The following PLCL1 variants were observed in gnomAD, a reference collection of about 807,000 sequenced individuals.
PLCL1 encodes the protein phospholipase C like 1 (inactive).
A neutral mutation model predicts 84.4 loss-of-function variants in PLCL1; 41 were observed. The observed-to-expected ratio is 0.49, with a 90% CI of 0.38 to 0.63. The LOEUF (loss-of-function observed/expected upper bound fraction) is 0.63. PLCL1 is among the 30% of genes least tolerant of loss of function. The pLI is 0.00. For missense variants in PLCL1, 1,206 were observed against 1,367.8 expected (o/e 0.88, Z 1.87); for synonymous variants, 490 against 488.3 (o/e 1.00, Z -0.05).
intron 1 of PLCL1, among the ~76,000 whole-genome samples, chr2:197,897,458 A>G (rs1688175782): frequency 6.6e-6 from 1 of 152,070 alleles, no homozygotes. Flanking sequence ...CTACCAACTA[A>G]TAGCCATAGT....
At chr2:198,043,630 T>C (rs1312087920) in intron 1 of PLCL1, among the ~76,000 whole-genome samples, 1 of 152,064 alleles carries the variant, frequency 6.6e-6, no homozygotes, top group Non-Finnish European at 1.5e-5. Flanking sequence ...TAGGGAGTTG[T>C]GAAGGTGAGA....
At position 197,805,837 on chromosome 2, in the gene PLCL1, T is replaced by C. The variant is rs1055989521; in HGVS notation, c.240+498T>C. On this transcript the variant is annotated intron_variant, in intron 1 of 5. Coordinates refer to ENST00000428675, the MANE Select transcript of PLCL1 (RefSeq NM_006226.4). This position sits in a 1 kb window ranked among gnomAD's most constrained non-coding sequence, Gnocchi z 4.0. ...CCCGGTAGGGAGGCAGAGTTTTAAG[T>C]GGACCCTGCATCACAGTAAAGAGCA... Among the ~76,000 whole-genome samples the C allele has an allele frequency of 1.1e-4, 16 of 152,326 alleles. No homozygotes were observed. The highest frequency in any genetic ancestry group is 2.6e-4 in the Admixed American group (4 of 15,304).
chr2:197,854,114 G>A (rs140011279), intron 1 of PLCL1, among the ~76,000 whole-genome samples: 103 of 152,240 alleles, frequency 6.8e-4, no homozygotes, highest in Non-Finnish European at 1.1e-3. Context: ...CAGAGGTTCC[G>A]TGAGGGCAGG....
chr2:198,072,389 T>C (rs995996322), intron 1 of PLCL1, among the ~76,000 whole-genome samples: 1 of 152,000 alleles, frequency 6.6e-6, no homozygotes, highest in South Asian at 2.1e-4. Context: ...CTTTTGGGAT[T>C]TTCTCGGTAA....
At chr2:198,079,705 C>A (rs914122124) in intron 1 of PLCL1, among the ~76,000 whole-genome samples, 2 of 152,056 alleles carry the variant, frequency 1.3e-5, no homozygotes, top group African/African-American at 4.8e-5. Flanking sequence ...TAGAGATGTT[C>A]AGAGACCATA....
chr2:198,066,518 ACT>A (rs1692323379), intron 1 of PLCL1, among the ~76,000 whole-genome samples: 1 of 151,976 alleles, frequency 6.6e-6, no homozygotes, highest in African/African-American at 2.4e-5. Flanking sequence ...TATACTGGGA[ACT>A]CTCTTGCAAT....
intron 1 of PLCL1, among the ~76,000 whole-genome samples, chr2:197,812,785 G>T (rs957826397): frequency 6.6e-6 from 1 of 152,154 alleles, no homozygotes; most frequent in Non-Finnish European, 1.5e-5. Flanking sequence ...GACATTCTCT[G>T]ATGTGAGGGA....
At chr2:197,993,381 C>A (rs1238897365) in intron 1 of PLCL1, among the ~76,000 whole-genome samples, 1 of 152,074 alleles carries the variant, frequency 6.6e-6, no homozygotes, top group Non-Finnish European at 1.5e-5. Context: ...TGAGCATCAG[C>A]ATTCTTGGGT....
intron 1 of PLCL1, among the ~76,000 whole-genome samples, chr2:198,015,661 G>C (rs967197440): frequency 1.3e-5 from 2 of 152,148 alleles, no homozygotes; most frequent in African/African-American, 4.8e-5. Flanking sequence ...TCTAATGAGA[G>C]AGACAGACAG....
rs1200526859 is a variant in PLCL1, at chr2:198,055,327, C to CTG, written c.241-28430_241-28429insGT. 6.4e-3 allele frequency among the ~76,000 whole-genome samples: 699 copies of CTG among 108,728 alleles called. 1 individual carries two copies. Among genetic ancestry groups the CTG allele is most frequent in the African/African-American group, 0.022 (514 of 23,148 alleles). The allele number at this position is 108,728 out of a possible 152,430, so 71.3% of individuals were successfully genotyped here. On this transcript the variant is annotated intron_variant, in intron 1 of 5. Transcript: ENST00000428675. ...TCTCTCTCTCTCTCTCTCTCTCTCTCTCTGTGTGTGTGTGTGTCTGTGTAT... is the reference window on the plus strand; with the variant it reads ...TCTCTCTCTCTCTCTCTCTCTCTCTCTGTCTGTGTGTGTGTGTGTCTGTGTAT...
At chr2:197,993,676 C>A (rs771562335) in intron 1 of PLCL1, among the ~76,000 whole-genome samples, 6 of 152,100 alleles carry the variant, frequency 3.9e-5, no homozygotes, top group Admixed American at 6.6e-5. Context: ...CAGAAGCTGT[C>A]AACTTCTCTA....
In PLCL1 at chr2:198,084,366, G is replaced by C; in HGVS notation, c.849G>C (p.Lys283Asn). Residue 283 changes from lysine (K) to asparagine (N), a missense_variant, in exon 2 of 6, where the codon AAG becomes AAC. Coordinates refer to ENST00000428675, the MANE Select transcript of PLCL1 (RefSeq NM_006226.4). ...TGAAGGAAGCCAAGATCAGGTTAAAGTTTAAAGAAATCCAGAAGAGCAAGG... is the reference window on the plus strand; with the variant it reads ...TGAAGGAAGCCAAGATCAGGTTAAACTTTAAAGAAATCCAGAAGAGCAAGG... ...PTLKEAKIRLKFKEIQKSKEK... is the reference protein window; with the variant it reads ...PTLKEAKIRLNFKEIQKSKEK... 6.2e-7 allele frequency: 1 copy of C among 1,614,142 alleles called. No individual in the cohort carries two copies.
chr2:198,142,803 T>C (rs2105947090), intron 5 of PLCL1, among the ~76,000 whole-genome samples: 1 of 152,214 alleles, frequency 6.6e-6, no homozygotes. Context: ...TTCTCTTTTT[T>C]TTTTTTCATG....
intron 1 of PLCL1, among the ~76,000 whole-genome samples, chr2:197,986,972 C>T (rs542103560): frequency 6.6e-6 from 1 of 152,314 alleles, no homozygotes; most frequent in East Asian, 1.9e-4. Flanking sequence ...TTGCCTAAGG[C>T]CATACAACTC....
chr2:197,886,771 T>C (rs1574931807), intron 1 of PLCL1, among the ~76,000 whole-genome samples: 1 of 152,210 alleles, frequency 6.6e-6, no homozygotes, highest in South Asian at 2.1e-4. Context: ...TGCATTTTGA[T>C]AGAGAATTCT....
At chr2:197,829,389 G>T (rs1323193786) in intron 1 of PLCL1, among the ~76,000 whole-genome samples, 1 of 152,010 alleles carries the variant, frequency 6.6e-6, no homozygotes, top group Non-Finnish European at 1.5e-5. Flanking sequence ...TCTCATATTG[G>T]TGTTTGTGAA....
chr2:198,086,985 C>T (rs1260362587), intron 2 of PLCL1, among the ~76,000 whole-genome samples: 2 of 152,100 alleles, frequency 1.3e-5, no homozygotes. Flanking sequence ...TATTAGGTTA[C>T]TTTTTAGTTT....
Position 198,031,641 on chromosome 2 carries a change from C to G in PLCL1, c.241-52117C>G, listed in dbSNP as rs189513746. 5.9e-4 allele frequency among the ~76,000 whole-genome samples: 88 copies of G among 148,442 alleles called. 1 individual carries two copies. The highest frequency in any genetic ancestry group is 5.9e-4 in the East Asian group (3 of 5,094). Reference sequence around the variant, plus strand: ...CAGTGCTGAGGTTACAGGTATGAGCCACCGTGAATGGCCAGTGCTTTTTTT... The same window carrying G: ...CAGTGCTGAGGTTACAGGTATGAGCGACCGTGAATGGCCAGTGCTTTTTTT... On this transcript the variant is annotated intron_variant, in intron 1 of 5. Coordinates refer to ENST00000428675, the MANE Select transcript of PLCL1 (RefSeq NM_006226.4).
intron 1 of PLCL1, among the ~76,000 whole-genome samples, chr2:197,967,731 T>C (rs906223317): frequency 2.0e-5 from 3 of 152,198 alleles, no homozygotes; most frequent in African/African-American, 7.2e-5. Flanking sequence ...TATTCTCTCT[T>C]AGTTTATTTT....
Sources: gnomAD v4.1 joint callset for allele counts (sites outside exome capture counted in the v4.1 genomes callset) on GRCh38, gnomAD v4.1.1 for gene constraint, Gnocchi (gnomAD v3.1) non-coding constraint, MANE v1.5 for transcripts, NCBI Gene and HGNC (gene_info 2026-07-23, HGNC 2026-07-21) for gene names.